ERBIN: variants seen among roughly 807,000 people sequenced by gnomAD.
ERBIN encodes the protein erbb2 interacting protein.
ERBIN carries 60 observed loss-of-function variants against 158.4 expected under a neutral mutation model. The ratio of observed to expected loss-of-function variants is 0.38; its 90% CI spans 0.31 to 0.47. The LOEUF is 0.47. Among genes scored for constraint, ERBIN ranks in the 20% least tolerant of loss-of-function variants. The probability of loss-of-function intolerance (pLI) is 0.99; values close to 1 mark genes in which losing one functional copy is unlikely to be tolerated. For missense variants in ERBIN, 1,610 were observed against 1,648.0 expected, an observed-to-expected ratio of 0.98 and a Z score of 0.40; for synonymous variants, 594 against 557.2, an observed-to-expected ratio of 1.07 and a Z score of -0.93.
intron 21 of ERBIN, among the ~76,000 whole-genome samples, chr5:66,058,160 A>T (rs1489522536): frequency 1.3e-5 from 2 of 151,836 alleles, no homozygotes; most frequent in African/African-American, 4.9e-5. Flanking sequence ...AACAGTGTAA[A>T]AGTGTTCCTA....
chr5:65,987,367 T>TAC lies in ERBIN; in HGVS notation c.-57-1241_-57-1240dup, dbSNP rs56222591. Among the ~76,000 whole-genome samples, 354 of 135,794 alleles carry TAC rather than the reference T, an allele frequency of 2.6e-3. 1 individual carries two copies. Among genetic ancestry groups the TAC allele is most frequent in the East Asian group, 0.016 (76 of 4,792 alleles). The allele number at this position is 135,794 out of a possible 152,430, so 89.1% of individuals were successfully genotyped here. A position where few individuals can be genotyped will look rare whatever the true frequency, so the allele number is the denominator to read the frequency against. ...TTGGGCAACATAGTGAGAGACTGTC[T>TAC]ACACACACACACACACACACACACA... is the stretch of plus-strand genomic sequence containing the variant. On this transcript the variant is annotated intron_variant, in intron 1 of 25. Transcript: ENST00000284037.
At chr5:65,942,646 T>C in intron 1 of ERBIN, among the ~76,000 whole-genome samples, 1 of 152,140 alleles carries the variant, frequency 6.6e-6, no homozygotes. Context: ...GACTTAAGGC[T>C]GGGTGCAGTG....
intron 15 of ERBIN, among the ~76,000 whole-genome samples, chr5:66,041,237 G>A (rs1757891115): frequency 6.6e-6 from 1 of 151,996 alleles, no homozygotes; most frequent in Admixed American, 6.5e-5. Flanking sequence ...ATAAGGAATT[G>A]AGTGATTTGG....
chr5:65,970,916 A>G (rs1749176972), intron 1 of ERBIN, among the ~76,000 whole-genome samples: 1 of 152,196 alleles, frequency 6.6e-6, no homozygotes, highest in South Asian at 2.1e-4. Context: ...TCCTTGAGGC[A>G]GGGACCATTT....
At chr5:66,055,853 A>G (rs931938877) in intron 21 of ERBIN, among the ~76,000 whole-genome samples, 10 of 152,186 alleles carry the variant, frequency 6.6e-5, no homozygotes, top group African/African-American at 1.9e-4. Context: ...TTAGTACCTC[A>G]TATCAGTTTA....
intron 21 of ERBIN, among the ~76,000 whole-genome samples, chr5:66,059,623 A>C (rs907460011): frequency 6.6e-6 from 1 of 152,318 alleles, no homozygotes; most frequent in Admixed American, 6.5e-5. Flanking sequence ...GCCAGTTTTC[A>C]AAGGGAATGC....
At chr5:66,043,345 T>A in intron 16 of ERBIN, 147 bp downstream of exon 16, 2 of 733,706 alleles carry the variant, frequency 2.7e-6, no homozygotes. Context: ...TGATTCCAAA[T>A]ATTTCAGACA....
At chr5:66,036,274 G>T (rs1464179097) in intron 14 of ERBIN, among the ~76,000 whole-genome samples, 6 of 152,082 alleles carry the variant, frequency 3.9e-5, no homozygotes, top group Non-Finnish European at 2.9e-5. Flanking sequence ...TGATTTGAGT[G>T]ATTCTTTAAT....
At chr5:66,034,902 G>A (rs1467152362) in intron 14 of ERBIN, among the ~76,000 whole-genome samples, 1 of 152,132 alleles carries the variant, frequency 6.6e-6, no homozygotes. Context: ...ATAAGATACA[G>A]TGTGGTACAA....
rs1439760693 is a variant in ERBIN at position 66,081,480 on chromosome 5, T to C, written c.*2950T>C. On this transcript the variant is annotated 3_prime_UTR_variant, in exon 26 of 26. Coordinates refer to ENST00000284037, the MANE Select transcript of ERBIN (RefSeq NM_001253697.2). ...TATGTAATATTTTTATCAACCAACA[T>C]TTATTCATTCCAAATTTTTGTATAT... The C allele has an allele frequency of 6.6e-6, 1 of 152,092 alleles. No individual in the cohort carries two copies. The highest frequency in any genetic ancestry group is 1.9e-4 in the East Asian group (1 of 5,200). 9.4% of individuals were successfully genotyped at this position (152,092 alleles called of 1,614,324 possible).
rs1213708060 is a variant in ERBIN at position 66,048,561 on chromosome 5, A to G, written c.1789-106A>G. On this transcript the variant is annotated intron_variant, in intron 18 of 25. Transcript: ENST00000284037. ...TTGCCGTATCTTGAAAAGGTTTAAT[A>G]TGTGTTTATAATATTTGTTTTCCCT... The G allele has an allele frequency of 7.4e-6, 5 of 675,500 alleles. No homozygotes were observed. In the African/African-American group the frequency reaches 7.5e-5, roughly 10 times the overall value. The allele number at this position is 675,500 out of a possible 1,614,324, so 41.8% of individuals were successfully genotyped here. A position where few individuals can be genotyped will look rare whatever the true frequency, so the allele number is the denominator to read the frequency against.
At chr5:66,072,116 G>A in intron 21 of ERBIN, 53 bp from the exon 22 acceptor site, 1 of 1,521,976 alleles carries the variant, frequency 6.6e-7, no homozygotes, top group Non-Finnish European at 8.8e-7. Context: ...CATCCTCTTG[G>A]TTTCACATCT....
intron 1 of ERBIN, among the ~76,000 whole-genome samples, chr5:65,954,762 GAA>G (rs11359030): frequency 1.9e-4 from 27 of 142,458 alleles, no homozygotes; most frequent in African/African-American, 6.9e-4. Flanking sequence ...TTTCAGAACT[GAA>G]AAAAAAAAAA....
intron 20 of ERBIN, among the ~76,000 whole-genome samples, chr5:66,052,591 A>C (rs1370481130): frequency 6.6e-6 from 1 of 152,200 alleles, no homozygotes; most frequent in African/African-American, 2.4e-5. Flanking sequence ...GGAATACAGC[A>C]ACACCTTTTT....
Position 66,012,036 on chromosome 5 carries a change from G to T in ERBIN, c.308-13G>T, listed in dbSNP as rs754330230. The T allele has an allele frequency of 3.3e-6, 5 of 1,528,966 alleles. No homozygotes were observed. The Admixed American group carries it at 9.4e-5, about 29-fold the overall frequency. The allele number at this position is 1,528,966 out of a possible 1,614,324, so 94.7% of individuals were successfully genotyped here. ...TAATAGATCTTTTAATTTGATCGTT[G>T]TTTGTTTTCTAGGAATACAGGAGTT... On this transcript the variant is annotated splice_polypyrimidine_tract_variant and intron_variant, in intron 4 of 25. Coordinates refer to ENST00000284037, the MANE Select transcript of ERBIN (RefSeq NM_001253697.2).
At position 66,053,669 on chromosome 5, in the gene ERBIN, C is replaced by A. The variant is rs756397256; in HGVS notation, c.2351C>A (p.Ser784Ter). ...DTFQPEIMER[S>*]KTQDIVLGTS... ...TTTCAACCAGAGATCATGGAAAGAT[C>A]AAAAACACAGGATATTGTGCTTGGA... is the stretch of plus-strand genomic sequence containing the variant. Residue 784 changes from serine (S) to a stop codon, truncating the protein, a stop_gained, in exon 21 of 26, where the codon TCA becomes TAA. Transcript: ENST00000284037. LOFTEE classifies it high-confidence loss of function. 1.2e-6 allele frequency: 2 copies of A among 1,613,718 alleles called. No homozygotes were observed. Among genetic ancestry groups the A allele is most frequent in the Non-Finnish European group, 1.7e-6 (2 of 1,179,914 alleles).
intron 14 of ERBIN, among the ~76,000 whole-genome samples, chr5:66,031,614 T>C (rs1337316250): frequency 1.3e-5 from 2 of 152,184 alleles, no homozygotes; most frequent in African/African-American, 4.8e-5. Flanking sequence ...GGAGGATCTT[T>C]TGAGGCCCGA....
chr5:65,976,930 AC>A (rs1463549220), intron 1 of ERBIN, among the ~76,000 whole-genome samples: 1 of 152,030 alleles, frequency 6.6e-6, no homozygotes, highest in Admixed American at 6.5e-5. Context: ...CTACACAGAC[AC>A]GGCAGCCATC....
chr5:65,965,658 G>T (rs993663863), intron 1 of ERBIN, among the ~76,000 whole-genome samples: 17 of 152,128 alleles, frequency 1.1e-4, no homozygotes, highest in African/African-American at 4.1e-4. Context: ...CTCCCGAAGT[G>T]CTGGGATTAC....
Sources: gnomAD v4.1 joint callset for allele counts (sites outside exome capture counted in the v4.1 genomes callset) on GRCh38, gnomAD v4.1.1 for gene constraint, MANE v1.5 for transcripts, NCBI Gene and HGNC (gene_info 2026-07-23, HGNC 2026-07-21) for gene names.